The following ZNF397 variants were observed in gnomAD, a reference collection of about 807,000 sequenced individuals.
ZNF397 encodes zinc finger protein 397, also known as zinc finger and SCAN domain-containing protein 15.
In ZNF397, 38 loss-of-function variants were observed where a neutral mutation model predicts 50.6. The ratio of observed to expected loss-of-function variants is 0.75; its 90% CI spans 0.58 to 0.98. The LOEUF (loss-of-function observed/expected upper bound fraction) is 0.98, where lower values mean the gene tolerates loss of function less well. Among genes scored for constraint, ZNF397 ranks in the 50% least tolerant of loss-of-function variants. The pLI is 0.00. For missense variants in ZNF397, 624 were observed against 624.1 expected (o/e 1.00, Z 0.00); for synonymous variants, 228 against 215.2 (o/e 1.06, Z -0.52).
In ZNF397 at chr18:35,247,724, G is replaced by T. The variant is rs1043449460; in HGVS notation, c.*1414G>T. 5 of 136,364 alleles carry T rather than the reference G, an allele frequency of 3.7e-5. No homozygotes were observed. The highest frequency in any genetic ancestry group is 1.4e-4 in the African/African-American group (5 of 35,936). 8.4% of individuals were successfully genotyped at this position (136,364 alleles called of 1,614,324 possible). On this transcript the variant is annotated 3_prime_UTR_variant, in exon 4 of 4. Transcript: ENST00000330501. ...AGTTCGCTCTTGTCCAGGCTGGAGT[G>T]CAATGGCACGATCTTGGCTCACCGC... is the stretch of plus-strand genomic sequence containing the variant.
chr18:35,242,976 C>T (rs566072554), intron 2 of ZNF397, 92 bp downstream of exon 2: 24 of 1,498,560 alleles, frequency 1.6e-5, no homozygotes, highest in Non-Finnish European at 2.0e-5. Flanking sequence ...TTTTATGTCT[C>T]TACTGAACCC....
rs1301467075 is a variant in ZNF397 at position 35,256,083 on chromosome 18, C to T, written c.817+1681C>T. Among the ~76,000 whole-genome samples the T allele has an allele frequency of 5.3e-5, 8 of 152,128 alleles. No individual in the cohort carries two copies. The East Asian group carries it at 9.6e-4, about 18-fold the overall frequency. On this transcript the variant is annotated intron_variant, in intron 5 of 5. Coordinates refer to the ZNF397 transcript ENST00000261333. ...CAATGTAACTTATGGGATTTAAATACGTCTTCAAATTCTGTAACTATATGA... is the reference window on the plus strand; with the variant it reads ...CAATGTAACTTATGGGATTTAAATATGTCTTCAAATTCTGTAACTATATGA...
intron 3 of ZNF397, chr18:35,243,587 T>C: frequency 1.7e-6 from 1 of 601,008 alleles, no homozygotes. Flanking sequence ...TCTAGGTGGG[T>C]GATGGACAAA....
Position 35,246,965 on chromosome 18 carries a change from T to C in ZNF397, c.*655T>C. ...AGCCAGACAGGCAGTGAAAGTGGAA[T>C]GCTCCTATGTGACCTTAAGGAGCAC... is the stretch of plus-strand genomic sequence containing the variant. On this transcript the variant is annotated 3_prime_UTR_variant, in exon 4 of 4. Transcript: ENST00000330501. 1 of 842,320 alleles carries C rather than the reference T, an allele frequency of 1.2e-6. No individual in the cohort carries two copies. The highest frequency in any genetic ancestry group is 1.4e-6 in the Non-Finnish European group (1 of 699,400). The allele number at this position is 842,320 out of a possible 1,614,324, so 52.2% of individuals were successfully genotyped here.
chr18:35,250,948 CTG>C (rs1910092262), downstream of ZNF397: 1 of 152,202 alleles, frequency 6.6e-6, no homozygotes, highest in East Asian at 1.9e-4. Context: ...AAAATAGAAA[CTG>C]AGAACACCAG....
chr18:35,249,831 G>A (rs2043548827), downstream of ZNF397: 1 of 152,070 alleles, frequency 6.6e-6, no homozygotes, highest in Admixed American at 6.6e-5. Context: ...TTATGTGTGG[G>A]TGCTGAGGTT....
At position 35,248,126 on chromosome 18, in the gene ZNF397, C is replaced by T. The variant is rs1346438861; in HGVS notation, c.*1816C>T. 6.6e-6 allele frequency: 1 copy of T among 152,116 alleles called. No homozygotes were observed. The highest frequency in any genetic ancestry group is 2.4e-5 in the African/African-American group (1 of 41,422). The allele number at this position is 152,116 out of a possible 1,614,324, so 9.4% of individuals were successfully genotyped here. A position where few individuals can be genotyped will look rare whatever the true frequency, so the allele number is the denominator to read the frequency against. ...AAGAAGGAATGTTGTACAGGTTAAC[C>T]AGCAACACAAAGACATATTCAAAAG... On this transcript the variant is annotated 3_prime_UTR_variant, in exon 4 of 4. Transcript: ENST00000330501.
downstream of ZNF397, chr18:35,254,436 C>T (rs183291401): frequency 1.9e-6 from 3 of 1,612,586 alleles, no homozygotes; most frequent in African/African-American, 4.0e-5. Context: ...ACAGAAGAAA[C>T]TGTTGTAGCA....
chr18:35,242,964 A>G (rs1912630575), intron 2 of ZNF397, 80 bp downstream of exon 2: 1 of 1,518,494 alleles, frequency 6.6e-7, no homozygotes, highest in Non-Finnish European at 8.8e-7. Context: ...TAGGATAAAA[A>G]TTTTTATGTC....
chr18:35,253,174 G>T, downstream of ZNF397: 1 of 281,230 alleles, frequency 3.6e-6, no homozygotes, highest in Non-Finnish European at 6.7e-6. Context: ...GCAGAGAGTG[G>T]AGTGAAGGGG....
chr18:35,243,863 GAAT>G (rs138452927), intron 3 of ZNF397: 1,737 of 160,588 alleles, frequency 0.011, 33 homozygotes, highest in African/African-American at 0.039. Flanking sequence ...AATTTGACTT[GAAT>G]GGAGAATTGA....
chr18:35,256,609 T>A (rs1267691055), intron 5 of ZNF397, among the ~76,000 whole-genome samples: 1 of 151,998 alleles, frequency 6.6e-6, no homozygotes, highest in Non-Finnish European at 1.5e-5. Flanking sequence ...AATACTTGCA[T>A]AGAGAGAACC....
intron 3 of ZNF397, chr18:35,244,029 A>G (rs906638451): frequency 1.3e-5 from 2 of 155,120 alleles, no homozygotes; most frequent in Non-Finnish European, 2.9e-5. Flanking sequence ...TGCAGTTTAG[A>G]AGTTAGCTGC....
At chr18:35,242,941 G>A (rs768420978) in intron 2 of ZNF397, 57 bp downstream of exon 2, 5 of 1,548,552 alleles carry the variant, frequency 3.2e-6, no homozygotes. Flanking sequence ...AGCATGTAAT[G>A]GTATCATAAC....
downstream of ZNF397, chr18:35,254,585 G>C (rs1345008967): frequency 8.4e-6 from 7 of 835,552 alleles, no homozygotes; most frequent in East Asian, 1.9e-4. Context: ...ACAAAGAAAT[G>C]AATTAGTATT....
downstream of ZNF397, chr18:35,254,664 G>A (rs909635339): frequency 4.3e-5 from 21 of 490,524 alleles, no homozygotes; most frequent in East Asian, 5.7e-4. Flanking sequence ...GAATATTGGC[G>A]ATAAACCAGG....
downstream of ZNF397, chr18:35,253,843 T>C: frequency 6.2e-7 from 1 of 1,614,186 alleles, no homozygotes; most frequent in Non-Finnish European, 8.5e-7. Context: ...CCCTGAAGGC[T>C]TTTCCACATT....
chr18:35,250,461 A>G (rs2043558934), downstream of ZNF397, among the ~76,000 whole-genome samples: 1 of 152,216 alleles, frequency 6.6e-6, no homozygotes, highest in African/African-American at 2.4e-5. Flanking sequence ...GAAGCAGTCC[A>G]GGGAATAATA....
Position 35,246,018 on chromosome 18 carries a change from C to CA in ZNF397, c.1314dup (p.Glu439ArgfsTer10), listed in dbSNP as rs1455382322. On this transcript the variant is annotated frameshift_variant, in exon 4 of 4. Transcript: ENST00000330501. LOFTEE classifies it high-confidence loss of function. ...TGTGGAAAAGCTTTCAGGCAGAGCTCAGAGCTGATTACTCATCAGAGAATA... is the reference window on the plus strand; with the variant it reads ...TGTGGAAAAGCTTTCAGGCAGAGCTCAAGAGCTGATTACTCATCAGAGAATA... 3 of 1,571,686 alleles carry CA rather than the reference C, an allele frequency of 1.9e-6. No homozygotes were observed. Among genetic ancestry groups the CA allele is most frequent in the Non-Finnish European group, 2.6e-6 (3 of 1,158,370 alleles).
Sources: allele counts gnomAD v4.1 joint callset (sites outside exome capture counted in the v4.1 genomes callset), GRCh38; gene constraint gnomAD v4.1.1; transcripts MANE v1.5; gene names NCBI Gene and HGNC (gene_info 2026-07-23, HGNC 2026-07-21).